The following THSD7A variants were observed in gnomAD, a reference collection of about 807,000 sequenced individuals.
THSD7A encodes the protein thrombospondin type 1 domain containing 7A.
THSD7A carries 96 observed loss-of-function variants against 231.3 expected under a neutral mutation model. That is an observed-to-expected ratio of 0.41 (90% confidence interval 0.35 to 0.49). The LOEUF (loss-of-function observed/expected upper bound fraction) is 0.49, where lower values mean the gene tolerates loss of function less well. THSD7A is among the 20% of genes least tolerant of loss of function. THSD7A has a pLI of 0.05. For synonymous variants in THSD7A, 940 were observed against 743.3 expected (o/e 1.26, Z -4.30); for missense variants, 2,290 against 2,070.2 (o/e 1.11, Z -2.06).
chr7:11,724,603 C>T (rs923555537), intron 1 of THSD7A, among the ~76,000 whole-genome samples: 6 of 151,744 alleles, frequency 4.0e-5, no homozygotes, highest in Admixed American at 2.6e-4. Flanking sequence ...AATGTATTAT[C>T]GAAGTATCTA....
At chr7:11,526,355 T>C (rs1302755959) in intron 6 of THSD7A, among the ~76,000 whole-genome samples, 2 of 152,108 alleles carry the variant, frequency 1.3e-5, no homozygotes, top group African/African-American at 2.4e-5. Context: ...TTAACATGAG[T>C]CATCTCCTTT....
intron 19 of THSD7A, among the ~76,000 whole-genome samples, chr7:11,409,021 A>G: frequency 6.6e-6 from 1 of 152,304 alleles, no homozygotes; most frequent in South Asian, 2.1e-4. Context: ...CCACTTACAC[A>G]TTTTAGTCCT....
At chr7:11,379,967 T>A (rs1300778715) in intron 24 of THSD7A, among the ~76,000 whole-genome samples, 1 of 152,140 alleles carries the variant, frequency 6.6e-6, no homozygotes, top group Non-Finnish European at 1.5e-5. Context: ...AAAGAATGAT[T>A]TTATAGCTGC....
chr7:11,404,734 T>G (rs939556751), intron 22 of THSD7A, among the ~76,000 whole-genome samples: 1 of 152,176 alleles, frequency 6.6e-6, no homozygotes, highest in Non-Finnish European at 1.5e-5. Flanking sequence ...CAGATTTTCT[T>G]TTCTTTTACT....
chr7:11,609,784 G>T (rs1035662262), intron 2 of THSD7A, among the ~76,000 whole-genome samples: 1 of 152,062 alleles, frequency 6.6e-6, no homozygotes, highest in Non-Finnish European at 1.5e-5. Context: ...TGTGTGTGGG[G>T]TTATTAATAT....
At position 11,600,313 on chromosome 7, in the gene THSD7A, G is replaced by A. The variant is rs147540765; in HGVS notation, c.1023-6811C>T. 4.6e-3 allele frequency among the ~76,000 whole-genome samples: 706 copies of A among 152,150 alleles called. 2 individuals are homozygous for A. The highest frequency in any genetic ancestry group is 6.3e-3 in the African/African-American group (261 of 41,514). On this transcript the variant is annotated intron_variant, in intron 2 of 27. Coordinates refer to ENST00000423059, the MANE Select transcript of THSD7A (RefSeq NM_015204.3). ...CACTTTTCTATTCAAACTTTGACACGTAGGATACATGTGGGTTTCCTAATT... is the reference window on the plus strand; with the variant it reads ...CACTTTTCTATTCAAACTTTGACACATAGGATACATGTGGGTTTCCTAATT...
chr7:11,398,976 C>G (rs1278162026), intron 23 of THSD7A, among the ~76,000 whole-genome samples: 4 of 152,202 alleles, frequency 2.6e-5, no homozygotes. Context: ...CTACTCTAAT[C>G]TATTTAACTA....
chr7:11,589,977 C>A (rs898742456), intron 4 of THSD7A, among the ~76,000 whole-genome samples: 3 of 152,112 alleles, frequency 2.0e-5, no homozygotes, highest in African/African-American at 7.2e-5. Flanking sequence ...TTTTCTTTTA[C>A]TGTAGTTTCT....
chr7:11,574,794 C>G (rs559446026), intron 4 of THSD7A, among the ~76,000 whole-genome samples: 1 of 152,222 alleles, frequency 6.6e-6, no homozygotes, highest in African/African-American at 2.4e-5. Flanking sequence ...TATGAGTAAC[C>G]TTAATAGACC....
At chr7:11,803,496 G>C (rs1187776433) in intron 1 of THSD7A, among the ~76,000 whole-genome samples, 5 of 152,158 alleles carry the variant, frequency 3.3e-5, no homozygotes, top group South Asian at 2.1e-4. Context: ...TCAAGGAAGA[G>C]TAAGAGCTAT....
At chr7:11,798,562 T>C (rs1784191892) in intron 1 of THSD7A, among the ~76,000 whole-genome samples, 2 of 152,062 alleles carry the variant, frequency 1.3e-5, no homozygotes, top group Admixed American at 6.6e-5. Context: ...TGAAGAATGC[T>C]CACAAATTGA....
intron 1 of THSD7A, among the ~76,000 whole-genome samples, chr7:11,681,497 A>G (rs1783868650): frequency 6.6e-6 from 1 of 152,106 alleles, no homozygotes; most frequent in South Asian, 2.1e-4. Context: ...GCCAAGTAGA[A>G]GAAAGAATTT....
intron 1 of THSD7A, chr7:11,751,224 A>G (rs1782490264): frequency 6.6e-6 from 1 of 152,066 alleles, no homozygotes; most frequent in African/African-American, 2.4e-5. Context: ...TAAGCCGGAT[A>G]GTTGTCTGTT....
At chr7:11,548,512 GGC>G (rs2128325236) in intron 4 of THSD7A, among the ~76,000 whole-genome samples, 1 of 152,084 alleles carries the variant, frequency 6.6e-6, no homozygotes, top group African/African-American at 2.4e-5. Flanking sequence ...CATTCTATGA[GGC>G]TAGCATCATT....
At chr7:11,576,192 G>A (rs757906172) in intron 4 of THSD7A, among the ~76,000 whole-genome samples, 1 of 151,934 alleles carries the variant, frequency 6.6e-6, no homozygotes, top group Non-Finnish European at 1.5e-5. Flanking sequence ...TTTTTCCTTT[G>A]CCCCACACTC....
chr7:11,738,397 A>C (rs1373321018), intron 1 of THSD7A, among the ~76,000 whole-genome samples: 2 of 152,018 alleles, frequency 1.3e-5, no homozygotes, highest in African/African-American at 4.8e-5. Flanking sequence ...CGATATATGT[A>C]ACACAATAGC....
intron 1 of THSD7A, among the ~76,000 whole-genome samples, chr7:11,729,386 C>T (rs544029769): frequency 1.3e-5 from 2 of 151,672 alleles, no homozygotes; most frequent in South Asian, 2.1e-4. Context: ...GTAAGGTTAC[C>T]GATACACAGC....
At chr7:11,575,468 G>A (rs1790853480) in intron 4 of THSD7A, among the ~76,000 whole-genome samples, 1 of 152,110 alleles carries the variant, frequency 6.6e-6, no homozygotes, top group African/African-American at 2.4e-5. Context: ...TCAAGATTAT[G>A]TCCTGTCAAG....
intron 2 of THSD7A, among the ~76,000 whole-genome samples, chr7:11,599,875 G>A (rs1780491506): frequency 6.6e-6 from 1 of 151,950 alleles, no homozygotes; most frequent in Non-Finnish European, 1.5e-5. Flanking sequence ...TTTCATCTCG[G>A]TGGGCACCAT....
Sources: gnomAD v4.1 joint callset for allele counts (sites outside exome capture counted in the v4.1 genomes callset) on GRCh38, gnomAD v4.1.1 for gene constraint, MANE v1.5 for transcripts, NCBI Gene and HGNC (gene_info 2026-07-23, HGNC 2026-07-21) for gene names.